The following SLC10A7 variants were observed in gnomAD, a reference collection of about 807,000 sequenced individuals.
SLC10A7 encodes sodium/bile acid cotransporter 7.
In SLC10A7, 29 loss-of-function variants were observed where a neutral mutation model predicts 43.2. The ratio of observed to expected loss-of-function variants is 0.67; its 90% CI spans 0.50 to 0.92. The LOEUF (loss-of-function observed/expected upper bound fraction) is 0.92. Ranked by LOEUF, SLC10A7 falls within the 40% of genes least tolerant of loss-of-function variation. The probability of loss-of-function intolerance (pLI) is 0.00; values close to 1 mark genes in which losing one functional copy is unlikely to be tolerated. For synonymous variants in SLC10A7, 152 were observed against 144.8 expected, an observed-to-expected ratio of 1.05 and a Z score of -0.35; for missense variants, 295 against 403.2, an observed-to-expected ratio of 0.73 and a Z score of 2.30.
intron 9 of SLC10A7, among the ~76,000 whole-genome samples, chr4:146,287,936 A>T (rs1440375419): frequency 6.6e-6 from 1 of 152,166 alleles, no homozygotes; most frequent in Admixed American, 6.5e-5. Context: ...CTGGTCAAGG[A>T]GGCTCTGAAT....
At chr4:146,436,005 A>G (rs1730180425) in intron 5 of SLC10A7, among the ~76,000 whole-genome samples, 1 of 152,108 alleles carries the variant, frequency 6.6e-6, no homozygotes, top group African/African-American at 2.4e-5. Flanking sequence ...GGCTAGTTCT[A>G]CACCAGTAGA....
At position 146,521,684 on chromosome 4, in the gene SLC10A7, A is replaced by ACCAGTCTTTCCTCATTCT; in HGVS notation, c.16_33dup (p.Arg6_Trp11dup). 6.2e-7 allele frequency: 1 copy of ACCAGTCTTTCCTCATTCT among 1,614,044 alleles called. No individual in the cohort carries two copies. The highest frequency in any genetic ancestry group is 8.5e-7 in the Non-Finnish European group (1 of 1,179,994). On this transcript the variant is annotated inframe_insertion, in exon 1 of 12. Coordinates refer to ENST00000335472, the MANE Select transcript of SLC10A7 (RefSeq NM_001029998.6). ...ATCGCCAGCACTATTCCGACCATGAACCAGTCTTTCCTCATTCTCTCCAGC... is the reference window on the plus strand; with the variant it reads ...ATCGCCAGCACTATTCCGACCATGAACCAGTCTTTCCTCATTCTCCAGTCTTTCCTCATTCTCTCCAGC...
intron 5 of SLC10A7, among the ~76,000 whole-genome samples, chr4:146,384,699 G>T (rs1737865033): frequency 6.6e-6 from 1 of 151,960 alleles, no homozygotes; most frequent in African/African-American, 2.4e-5. Flanking sequence ...TACTTGATAT[G>T]ATTTAGATGT....
At chr4:146,374,376 G>A (rs1203377325) in intron 5 of SLC10A7, among the ~76,000 whole-genome samples, 2 of 151,874 alleles carry the variant, frequency 1.3e-5, no homozygotes, top group Non-Finnish European at 2.9e-5. Flanking sequence ...ATCACTTGAG[G>A]CCAGGAGTTC....
At chr4:146,456,902 A>G (rs1047102735) in intron 4 of SLC10A7, among the ~76,000 whole-genome samples, 1 of 151,912 alleles carries the variant, frequency 6.6e-6, no homozygotes, top group Admixed American at 6.6e-5. Flanking sequence ...TTAGCCTAAC[A>G]AAGATACTCC....
Position 146,521,622 on chromosome 4 carries a change from A to C in SLC10A7, c.96T>G (p.Asn32Lys). The C allele has an allele frequency of 6.2e-7, 1 of 1,613,456 alleles. No individual in the cohort carries two copies. The highest frequency in any genetic ancestry group is 8.5e-7 in the Non-Finnish European group (1 of 1,179,530). Residue 32 changes from asparagine (N) to lysine (K), a missense_variant, in exon 1 of 12, where the codon AAT becomes AAG. Asn to Lys is a moderately conservative substitution (Grantham distance 94). Around this residue, in one of 2 missense-constraint regions of SLC10A7, gnomAD observed 53 missense variants for 40.7 expected, o/e 1.30. Transcript: ENST00000335472. ...GAKLEPSIGV[N>K]GGPLKPEITV... The stretch of plus-strand genomic sequence containing the variant: ...CGGCAGAGGTGCAGCACTTACCCCC[A>C]TTCACCCCTATGGACGGCTCCAGTT...
chr4:146,458,225 A>G (rs576893989), intron 4 of SLC10A7, among the ~76,000 whole-genome samples: 4 of 151,830 alleles, frequency 2.6e-5, no homozygotes, highest in Non-Finnish European at 5.9e-5. Flanking sequence ...AAAAGAAAAA[A>G]ACATATAATC....
chr4:146,436,938 A>T (rs775933095), intron 5 of SLC10A7, among the ~76,000 whole-genome samples: 2 of 152,088 alleles, frequency 1.3e-5, no homozygotes, highest in Admixed American at 1.3e-4. Context: ...TGAAAATGTG[A>T]GTCTTATTTA....
At chr4:146,322,113 T>C (rs1038722654) in intron 6 of SLC10A7, among the ~76,000 whole-genome samples, 4 of 152,128 alleles carry the variant, frequency 2.6e-5, no homozygotes, top group African/African-American at 7.2e-5. Flanking sequence ...CATGAGCCTA[T>C]GGGTCTGTGA....
At chr4:146,346,378 G>T (rs1734624336) in intron 5 of SLC10A7, among the ~76,000 whole-genome samples, 1 of 152,076 alleles carries the variant, frequency 6.6e-6, no homozygotes, top group South Asian at 2.1e-4. Context: ...ATTTTCTGAA[G>T]GTATGAGGGC....
intron 6 of SLC10A7, among the ~76,000 whole-genome samples, chr4:146,317,384 C>T (rs1357449260): frequency 6.6e-6 from 1 of 152,064 alleles, no homozygotes; most frequent in African/African-American, 2.4e-5. Flanking sequence ...TCCCTGCTCT[C>T]TTGTGATGCT....
chr4:146,420,139 T>C (rs1464558425), intron 5 of SLC10A7, among the ~76,000 whole-genome samples: 1 of 152,078 alleles, frequency 6.6e-6, no homozygotes, highest in Admixed American at 6.6e-5. Flanking sequence ...ACTAAAAGAC[T>C]GTCTATTCAC....
chr4:146,302,611 A>C (rs1166634442), intron 7 of SLC10A7, among the ~76,000 whole-genome samples: 1 of 152,188 alleles, frequency 6.6e-6, no homozygotes, highest in Non-Finnish European at 1.5e-5. Context: ...AATGAGAAAC[A>C]AGTTGAGGTG....
intron 5 of SLC10A7, among the ~76,000 whole-genome samples, chr4:146,351,047 G>A (rs1381951904): frequency 1.3e-5 from 2 of 151,358 alleles, no homozygotes; most frequent in Non-Finnish European, 2.9e-5. Context: ...ATTTTGACGA[G>A]CTGAGAGAAG....
At chr4:146,434,072 C>A (rs10030464) in intron 5 of SLC10A7, among the ~76,000 whole-genome samples, 122,920 of 152,056 alleles carry the variant, frequency 0.81, 50,226 homozygotes, top group African/African-American at 0.9. Flanking sequence ...AGATTATATT[C>A]TACATTATAT....
chr4:146,358,362 G>A (rs1735805874), intron 5 of SLC10A7, among the ~76,000 whole-genome samples: 1 of 152,054 alleles, frequency 6.6e-6, no homozygotes, highest in Admixed American at 6.6e-5. Context: ...AGAAACTGAA[G>A]TTTTGGCATT....
chr4:146,468,648 G>A (rs758030345), intron 4 of SLC10A7, among the ~76,000 whole-genome samples: 3 of 151,862 alleles, frequency 2.0e-5, no homozygotes, highest in East Asian at 3.9e-4. Context: ...TTTTAGTAGC[G>A]ACAGGGTTTT....
chr4:146,412,753 G>C (rs1450367885), intron 5 of SLC10A7, among the ~76,000 whole-genome samples: 2 of 152,070 alleles, frequency 1.3e-5, no homozygotes, highest in East Asian at 3.9e-4. Context: ...AGGAGAAATG[G>C]GGAGCAGTTG....
At chr4:146,290,000 A>C (rs1350581796) in intron 9 of SLC10A7, among the ~76,000 whole-genome samples, 11 of 147,386 alleles carry the variant, frequency 7.5e-5, no homozygotes, top group East Asian at 6.3e-4. Context: ...AGGCGTGAGC[A>C]ACCACACCCA....
Sources: allele counts gnomAD v4.1 joint callset (sites outside exome capture counted in the v4.1 genomes callset), GRCh38; gene constraint gnomAD v4.1.1; regional missense constraint gnomAD v4.1.1; transcripts MANE v1.5; gene names NCBI Gene and HGNC (gene_info 2026-07-23, HGNC 2026-07-21).